The following NXN variants were observed in gnomAD, a reference collection of about 807,000 sequenced individuals.
The protein encoded by NXN is nucleoredoxin 1.
A neutral mutation model predicts 48.6 loss-of-function variants in NXN; 16 were observed. The observed-to-expected ratio is 0.33, with a 90% confidence interval of 0.22 to 0.50. The LOEUF is 0.50. NXN is among the 20% of genes least tolerant of loss of function. The pLI, the probability that NXN is intolerant of heterozygous loss-of-function variation, is 0.98. For synonymous variants in NXN, 281 were observed against 269.6 expected (o/e 1.04, Z -0.41); for missense variants, 492 against 605.5 (o/e 0.81, Z 1.97).
At chr17:950,400 T>C (rs1326980476) in intron 1 of NXN, among the ~76,000 whole-genome samples, 1 of 152,170 alleles carries the variant, frequency 6.6e-6, no homozygotes, top group East Asian at 1.9e-4. Context: ...AAGGCTTGGT[T>C]TTATTTTTAA....
intron 5 of NXN, among the ~76,000 whole-genome samples, chr17:809,179 G>T (rs866948071): frequency 1.1e-4 from 17 of 152,292 alleles, no homozygotes; most frequent in Middle Eastern, 3.4e-3. Context: ...CCAAGGGTGG[G>T]GTTGGCGTGC....
intron 1 of NXN, among the ~76,000 whole-genome samples, chr17:939,683 A>G (rs929312397): frequency 2.0e-5 from 3 of 152,044 alleles, no homozygotes; most frequent in Non-Finnish European, 4.4e-5. Flanking sequence ...CTTACATGAA[A>G]ATACACTCAA....
At chr17:818,738 T>C (rs1287472588) in intron 5 of NXN, among the ~76,000 whole-genome samples, 1 of 151,654 alleles carries the variant, frequency 6.6e-6, no homozygotes, top group Admixed American at 6.6e-5. Flanking sequence ...ACAAAAAATT[T>C]AGCCGGGCGT....
intron 4 of NXN, among the ~76,000 whole-genome samples, chr17:822,009 G>T (rs1310302500): frequency 6.6e-6 from 1 of 152,082 alleles, no homozygotes; most frequent in Non-Finnish European, 1.5e-5. Flanking sequence ...GGCTGGGTGC[G>T]GTGGCTCACA....
chr17:871,685 G>A (rs2068156940), intron 1 of NXN, among the ~76,000 whole-genome samples: 1 of 152,132 alleles, frequency 6.6e-6, no homozygotes, highest in South Asian at 2.1e-4. Flanking sequence ...GTACAGGCAT[G>A]AGCCACCGCG....
intron 1 of NXN, among the ~76,000 whole-genome samples, chr17:890,774 C>T (rs1050882852): frequency 3.3e-5 from 5 of 151,966 alleles, no homozygotes; most frequent in East Asian, 1.9e-4. Flanking sequence ...AAGTAATTTA[C>T]GAAAAGAAAC....
At chr17:873,493 C>CAAAAAAAAAAAAAAAAAA (rs71145783) in intron 1 of NXN, among the ~76,000 whole-genome samples, 2 of 74,982 alleles carry the variant, frequency 2.7e-5, no homozygotes, top group African/African-American at 4.9e-5. Flanking sequence ...ACACTGTCTC[C>CAAAAAAAAAAAAAAAAAA]AAAAAAAAAA....
At chr17:818,406 T>C (rs183591269) in intron 5 of NXN, among the ~76,000 whole-genome samples, 358 of 151,990 alleles carry the variant, frequency 2.4e-3, no homozygotes, top group Admixed American at 4.4e-3. Flanking sequence ...CTTTACTTAT[T>C]CATGCTCCCA....
At chr17:882,252 CTCCCTGCCTT>C (rs2068292198) in intron 1 of NXN, among the ~76,000 whole-genome samples, 2 of 152,134 alleles carry the variant, frequency 1.3e-5, no homozygotes, top group South Asian at 4.1e-4. Context: ...CCCTCCCTCC[CTCCCTGCCTT>C]TCCCTGCCAT....
chr17:879,051 G>A (rs1455399538), intron 1 of NXN, among the ~76,000 whole-genome samples: 1 of 151,954 alleles, frequency 6.6e-6, no homozygotes, highest in Non-Finnish European at 1.5e-5. Flanking sequence ...TCTAATCCCA[G>A]CTACTCGGGA....
At chr17:827,928 G>C (rs1228235384) in intron 1 of NXN, among the ~76,000 whole-genome samples, 1 of 152,162 alleles carries the variant, frequency 6.6e-6, no homozygotes, top group Non-Finnish European at 1.5e-5. Context: ...ACACAATGCT[G>C]GGCTTCCCTG....
At chr17:885,850 T>TG (rs2144850780) in intron 1 of NXN, among the ~76,000 whole-genome samples, 1 of 150,498 alleles carries the variant, frequency 6.6e-6, no homozygotes, top group South Asian at 2.1e-4. Context: ...CCGGCTAATT[T>TG]TTTTTTTTTG....
intron 1 of NXN, chr17:842,460 A>C: frequency 8.4e-6 from 8 of 957,684 alleles, no homozygotes; most frequent in Non-Finnish European, 9.9e-6. Context: ...CCGGCGGGGA[A>C]GGCCACGTGG....
chr17:944,062 A>AAC, intron 1 of NXN, among the ~76,000 whole-genome samples: 2 of 151,600 alleles, frequency 1.3e-5, no homozygotes. Flanking sequence ...ACATGACGAA[A>AAC]CCCCGTCTCT....
At chr17:822,750 G>GC (rs1427876517) in intron 3 of NXN, among the ~76,000 whole-genome samples, 4 of 152,142 alleles carry the variant, frequency 2.6e-5, no homozygotes, top group Non-Finnish European at 5.9e-5. Context: ...ACAAGCACCC[G>GC]CATTGTCCCT....
intron 5 of NXN, among the ~76,000 whole-genome samples, chr17:813,443 C>T (rs907195650): frequency 6.6e-6 from 1 of 152,214 alleles, no homozygotes; most frequent in African/African-American, 2.4e-5. Context: ...TCGACGCGGA[C>T]GGAATGCCGC....
chr17:908,279 TGTATTCCCA>T (rs1285980307), intron 1 of NXN, among the ~76,000 whole-genome samples: 1 of 152,176 alleles, frequency 6.6e-6, no homozygotes, highest in African/African-American at 2.4e-5. Flanking sequence ...CGTTCACGCC[TGTATTCCCA>T]GCACTTTGGG....
intron 1 of NXN, among the ~76,000 whole-genome samples, chr17:885,437 A>T (rs1267348663): frequency 6.6e-6 from 1 of 151,802 alleles, no homozygotes; most frequent in Non-Finnish European, 1.5e-5. Flanking sequence ...AGATCGCACC[A>T]CTACACTCCA....
In NXN at chr17:917,800, T is replaced by C. The variant is rs965179837; in HGVS notation, c.360+61519A>G. On this transcript the variant is annotated intron_variant, in intron 1 of 7. Coordinates refer to ENST00000336868, the MANE Select transcript of NXN (RefSeq NM_022463.5). This position sits in a 1 kb window ranked among gnomAD's most constrained non-coding sequence, Gnocchi z 4.5. ...GCTCCCCAGGAAGGCCTCGCAGAGG[T>C]GGGGACAAGGGCGGATGGGAAAGGG... is the stretch of plus-strand genomic sequence containing the variant. 2.6e-5 allele frequency among the ~76,000 whole-genome samples: 4 copies of C among 151,220 alleles called. No individual in the cohort carries two copies. Among genetic ancestry groups the C allele is most frequent in the African/African-American group, 9.7e-5 (4 of 41,126 alleles).
Sources: allele counts gnomAD v4.1 joint callset (sites outside exome capture counted in the v4.1 genomes callset), GRCh38; gene constraint gnomAD v4.1.1; non-coding constraint Gnocchi (gnomAD v3.1); transcripts MANE v1.5; gene names NCBI Gene and HGNC (gene_info 2026-07-23, HGNC 2026-07-21).